Variants in SRPRB observed in about 807,000 individuals in gnomAD.
SRPRB encodes SRP receptor subunit beta, also known as signal recognition particle receptor subunit beta.
SRPRB carries 20 observed loss-of-function variants against 31.9 expected under a neutral mutation model. That is an observed-to-expected ratio of 0.63 (90% CI 0.44 to 0.91). SRPRB has a LOEUF of 0.91. Among genes scored for constraint, SRPRB ranks in the 40% least tolerant of loss-of-function variants. SRPRB has a pLI of 0.00. For synonymous variants in SRPRB, 146 were observed against 132.8 expected (o/e 1.10, Z -0.68); for missense variants, 321 against 324.9 (o/e 0.99, Z 0.09).
chr3:133,827,926 G>C (rs2107983266), downstream of SRPRB: 1 of 702,902 alleles, frequency 1.4e-6, no homozygotes, highest in African/African-American at 1.7e-5. Flanking sequence ...ATTTTCAGAA[G>C]TACACATGGC....
At chr3:133,786,222 TAAAAA>T in intron 1 of SRPRB, 1 of 84,306 alleles carries the variant, frequency 1.2e-5, no homozygotes, top group East Asian at 4.8e-4. Context: ...AAAAATAAAT[TAAAAA>T]AAAAAAAAAA....
Position 133,819,787 on chromosome 3 carries a change from G to A in SRPRB, c.*21G>A. 1 of 1,608,636 alleles carries A rather than the reference G, an allele frequency of 6.2e-7. No individual in the cohort carries two copies. Among genetic ancestry groups the A allele is most frequent in the Non-Finnish European group, 8.5e-7 (1 of 1,176,686 alleles). The stretch of plus-strand genomic sequence containing the variant: ...CCTGAGAGGCAGCTCTAAAGCACAA[G>A]ACCTGGATGTGTGACACACAGTTTT... On this transcript the variant is annotated 3_prime_UTR_variant, in exon 7 of 7. Coordinates refer to ENST00000678299, the MANE Select transcript of SRPRB (RefSeq NM_001379313.1).
At chr3:133,810,020 C>T (rs150083281) in intron 3 of SRPRB, among the ~76,000 whole-genome samples, 243 of 152,212 alleles carry the variant, frequency 1.6e-3, no homozygotes, top group Middle Eastern at 6.8e-3. Flanking sequence ...TACCCCCTTA[C>T]GTTTTCGATC....
At chr3:133,797,041 A>T (rs1934987218) in intron 1 of SRPRB, among the ~76,000 whole-genome samples, 1 of 152,238 alleles carries the variant, frequency 6.6e-6, no homozygotes, top group Admixed American at 6.5e-5. Context: ...ACAAACATTT[A>T]CATAGCTTTG....
intron 4 of SRPRB, among the ~76,000 whole-genome samples, chr3:133,815,223 C>T (rs1370650114): frequency 6.6e-6 from 1 of 152,208 alleles, no homozygotes; most frequent in Non-Finnish European, 1.5e-5. Flanking sequence ...TCAACTGTTA[C>T]ATTCTCCTTA....
intron 3 of SRPRB, among the ~76,000 whole-genome samples, chr3:133,809,837 ATAACT>A (rs1436909734): frequency 1.3e-5 from 2 of 152,194 alleles, no homozygotes; most frequent in Non-Finnish European, 2.9e-5. Flanking sequence ...ATTAGATTAA[ATAACT>A]TAAAATTAAT....
intron 1 of SRPRB, among the ~76,000 whole-genome samples, chr3:133,799,354 G>T (rs9881405): frequency 0.2 from 30,177 of 152,074 alleles, 3,256 homozygotes; most frequent in Non-Finnish European, 0.25. Context: ...AGCATTTACA[G>T]AGAGTGCAGT....
At chr3:133,786,237 A>AAAAC (rs1199950552) in intron 1 of SRPRB, 2 of 77,282 alleles carry the variant, frequency 2.6e-5, no homozygotes, top group African/African-American at 6.9e-5. Flanking sequence ...AAAAAAAAAA[A>AAAAC]AAACAATACT....
chr3:133,817,032 C>A, intron 6 of SRPRB, 100 bp downstream of exon 6: 1 of 842,228 alleles, frequency 1.2e-6, no homozygotes. Flanking sequence ...GTGATTATCA[C>A]AATTATAGAC....
chr3:133,807,785 AC>A lies in SRPRB; in HGVS notation c.290del (p.Thr97MetfsTer17), dbSNP rs758552731. On this transcript the variant is annotated frameshift_variant, in exon 3 of 7. Coordinates refer to ENST00000678299, the MANE Select transcript of SRPRB (RefSeq NM_001379313.1). LOFTEE classifies it high-confidence loss of function. Reference protein sequence around the residue: ...GLYRDTQTSITDSCAVYRVNN... With the variant: ...GLYRDTQTSIXDSCAVYRVNN... ...TTATAGAGACACTCAGACGTCCATT[AC>A]TGACAGCTGTGCTGTATACAGAGTC... 5 of 1,613,012 alleles carry A rather than the reference AC, an allele frequency of 3.1e-6. No individual in the cohort carries two copies. The highest frequency in any genetic ancestry group is 4.2e-6 in the Non-Finnish European group (5 of 1,179,802).
At chr3:133,827,165 T>TA (rs1195031227), downstream of SRPRB, 3 of 152,364 alleles carry the variant, frequency 2.0e-5, no homozygotes, top group Non-Finnish European at 4.4e-5. Flanking sequence ...CTGCTGCACT[T>TA]ACTGCCTGCC....
chr3:133,784,520 G>T (rs899419628), intron 1 of SRPRB: 1 of 150,860 alleles, frequency 6.6e-6, no homozygotes. Context: ...GACATAAATG[G>T]CTTCTGGAGA....
chr3:133,805,614 C>A, upstream of SRPRB: 1 of 408,402 alleles, frequency 2.4e-6, no homozygotes, highest in Non-Finnish European at 4.3e-6. Flanking sequence ...ACGACTGACT[C>A]ATCTCTTAAA....
intron 1 of SRPRB, chr3:133,791,899 C>A (rs189772737): frequency 1.3e-5 from 2 of 152,204 alleles, no homozygotes; most frequent in Admixed American, 6.5e-5. Flanking sequence ...GAGCTTAAAT[C>A]AAATATTTTA....
intron 1 of SRPRB, 168 bp from the exon 2 acceptor site, chr3:133,806,441 C>G: frequency 1.7e-6 from 1 of 585,858 alleles, no homozygotes; most frequent in East Asian, 2.8e-5. Flanking sequence ...CAGTGCCTGG[C>G]TCTCAGTGGA....
At chr3:133,817,824 G>T (rs1935393028) in intron 6 of SRPRB, among the ~76,000 whole-genome samples, 1 of 152,188 alleles carries the variant, frequency 6.6e-6, no homozygotes, top group Admixed American at 6.5e-5. Flanking sequence ...GCAGCTGTAG[G>T]AGGAAATGTG....
chr3:133,794,233 G>GA (rs1260988781), intron 1 of SRPRB: 1 of 152,138 alleles, frequency 6.6e-6, no homozygotes, highest in Non-Finnish European at 1.5e-5. Context: ...ACTCGTCACG[G>GA]AAAAGATAAA....
downstream of SRPRB, among the ~76,000 whole-genome samples, chr3:133,822,586 C>T (rs879844378): frequency 9.9e-5 from 15 of 152,228 alleles, no homozygotes; most frequent in Admixed American, 4.6e-4. Flanking sequence ...TTCCCACTGC[C>T]TCTGTCTCAG....
intron 6 of SRPRB, 124 bp downstream of exon 6, chr3:133,817,056 G>T: frequency 1.5e-6 from 1 of 655,972 alleles, no homozygotes; most frequent in South Asian, 5.0e-5. Context: ...AGATTAGTGT[G>T]ATAAATATTT....
Sources: allele counts gnomAD v4.1 joint callset (sites outside exome capture counted in the v4.1 genomes callset), GRCh38; gene constraint gnomAD v4.1.1; transcripts MANE v1.5; gene names NCBI Gene and HGNC (gene_info 2026-07-23, HGNC 2026-07-21).